Variants in MACROD2 observed in about 807,000 individuals in gnomAD.
MACROD2 encodes ADP-ribose glycohydrolase MACROD2.
MACROD2 carries 36 observed loss-of-function variants against 70.4 expected under a neutral mutation model. The ratio of observed to expected loss-of-function variants is 0.51; its 90% CI spans 0.39 to 0.68. The LOEUF is 0.68. MACROD2 is among the 30% of genes least tolerant of loss of function. The probability of loss-of-function intolerance (pLI) is 0.00; values close to 1 mark genes in which losing one functional copy is unlikely to be tolerated. For missense variants in MACROD2, 496 were observed against 538.4 expected, an observed-to-expected ratio of 0.92 and a Z score of 0.78; for synonymous variants, 172 against 178.8, an observed-to-expected ratio of 0.96 and a Z score of 0.30.
chr20:14,580,875 A>AT lies in MACROD2; in HGVS notation c.301+87369dup, dbSNP rs542610596. 2.4e-3 allele frequency among the ~76,000 whole-genome samples: 367 copies of AT among 152,316 alleles called. 4 individuals are homozygous for AT. The highest frequency in any genetic ancestry group is 8.4e-3 in the African/African-American group (351 of 41,584). On this transcript the variant is annotated intron_variant, in intron 4 of 17. Coordinates refer to ENST00000684519, the MANE Select transcript of MACROD2 (RefSeq NM_001351661.2). Reference sequence around the variant, plus strand: ...TTTGGGGGCAAACATCCAGTAGCAGATTGCTTCATTTATTACCAATGAATT... The same window carrying AT: ...TTTGGGGGCAAACATCCAGTAGCAGATTTGCTTCATTTATTACCAATGAATT...
At chr20:15,905,725 G>T (rs567292468) in intron 10 of MACROD2, among the ~76,000 whole-genome samples, 4 of 152,296 alleles carry the variant, frequency 2.6e-5, no homozygotes, top group African/African-American at 9.6e-5. Flanking sequence ...CAAAATTTCA[G>T]TTTTCTAATG....
At chr20:14,889,330 G>A (rs1028521704) in intron 5 of MACROD2, among the ~76,000 whole-genome samples, 1 of 152,154 alleles carries the variant, frequency 6.6e-6, no homozygotes, top group Non-Finnish European at 1.5e-5. Context: ...GGTAGGGGCA[G>A]GTGATGCATG....
intron 3 of MACROD2, among the ~76,000 whole-genome samples, chr20:14,471,535 T>A (rs2084531001): frequency 6.6e-6 from 1 of 152,206 alleles, no homozygotes; most frequent in Non-Finnish European, 1.5e-5. Context: ...GAATGATGTC[T>A]CTAAGTAGTA....
At chr20:15,078,708 C>CTTTT (rs11407171) in intron 5 of MACROD2, among the ~76,000 whole-genome samples, 1 of 145,928 alleles carries the variant, frequency 6.9e-6, no homozygotes, top group Non-Finnish European at 1.5e-5. Flanking sequence ...CCTTCACTTT[C>CTTTT]TTTTTTTTTT....
intron 6 of MACROD2, among the ~76,000 whole-genome samples, chr20:15,313,376 G>A (rs6135381): frequency 0.18 from 26,612 of 151,638 alleles, 2,657 homozygotes; most frequent in Non-Finnish European, 0.23. Flanking sequence ...GCATGGTGGC[G>A]GGCGCCTGTA....
chr20:15,734,229 A>G (rs1415288190), intron 8 of MACROD2, among the ~76,000 whole-genome samples: 1 of 152,194 alleles, frequency 6.6e-6, no homozygotes, highest in Non-Finnish European at 1.5e-5. Flanking sequence ...AAGAGGGTGC[A>G]TTTGAAGCAT....
chr20:14,526,091 C>T (rs1192785448), intron 4 of MACROD2, among the ~76,000 whole-genome samples: 1 of 152,146 alleles, frequency 6.6e-6, no homozygotes, highest in Non-Finnish European at 1.5e-5. Flanking sequence ...GCCCAGAGTA[C>T]AATGAACTTA....
chr20:14,466,084 T>G (rs965967194), intron 3 of MACROD2, among the ~76,000 whole-genome samples: 1 of 152,132 alleles, frequency 6.6e-6, no homozygotes, highest in Non-Finnish European at 1.5e-5. Context: ...TTGGCCTGCC[T>G]TGCTAGATTG....
intron 5 of MACROD2, among the ~76,000 whole-genome samples, chr20:15,069,740 G>A (rs2075604713): frequency 6.6e-6 from 1 of 152,224 alleles, no homozygotes; most frequent in South Asian, 2.1e-4. Flanking sequence ...AGTGAAGGAG[G>A]CTTGGTAGCT....
Position 15,125,989 on chromosome 20 carries a change from A to G in MACROD2, c.419-103951A>G, listed in dbSNP as rs185148994. ...AACTTAATGTTTTCAAGATTCATCTATGTTGTAGCATGTATCAGTACTTCA... is the reference window on the plus strand; with the variant it reads ...AACTTAATGTTTTCAAGATTCATCTGTGTTGTAGCATGTATCAGTACTTCA... On this transcript the variant is annotated intron_variant, in intron 5 of 17. Coordinates refer to ENST00000684519, the MANE Select transcript of MACROD2 (RefSeq NM_001351661.2). 2.6e-3 allele frequency among the ~76,000 whole-genome samples: 307 copies of G among 119,844 alleles called. 5 individuals are homozygous for G. The highest frequency in any genetic ancestry group is 8.8e-3 in the Middle Eastern group (2 of 228). The allele number at this position is 119,844 out of a possible 152,430, so 78.6% of individuals were successfully genotyped here.
intron 6 of MACROD2, among the ~76,000 whole-genome samples, chr20:15,297,775 C>T (rs1348031912): frequency 6.6e-6 from 1 of 152,184 alleles, no homozygotes; most frequent in African/African-American, 2.4e-5. Context: ...AGAATAGTAA[C>T]TCTCCATTGA....
chr20:14,330,588 G>A (rs963460324), intron 3 of MACROD2, among the ~76,000 whole-genome samples: 3 of 152,004 alleles, frequency 2.0e-5, no homozygotes, highest in Admixed American at 6.6e-5. Context: ...ATGGTCATAG[G>A]CTATATTAAC....
intron 3 of MACROD2, among the ~76,000 whole-genome samples, chr20:14,478,636 G>A (rs1003528403): frequency 2.6e-4 from 40 of 151,778 alleles, no homozygotes; most frequent in African/African-American, 8.7e-4. Flanking sequence ...ACTCCTTCAG[G>A]GCCTACTCTC....
At chr20:15,002,397 G>A (rs1417201752) in intron 5 of MACROD2, among the ~76,000 whole-genome samples, 2 of 151,430 alleles carry the variant, frequency 1.3e-5, no homozygotes, top group Non-Finnish European at 2.9e-5. Flanking sequence ...TATCTTTTTT[G>A]GCCATTTGTA....
chr20:14,362,921 C>T, intron 3 of MACROD2, among the ~76,000 whole-genome samples: 1 of 152,230 alleles, frequency 6.6e-6, no homozygotes, highest in East Asian at 1.9e-4. Context: ...CATATAAGTA[C>T]ATATAATTTA....
chr20:15,837,790 G>A (rs1019607760), intron 8 of MACROD2, among the ~76,000 whole-genome samples: 2 of 152,144 alleles, frequency 1.3e-5, no homozygotes, highest in Non-Finnish European at 2.9e-5. Flanking sequence ...GATGATGTAC[G>A]AAAGAAGCTG....
chr20:15,219,538 A>C (rs2076840061), intron 5 of MACROD2, among the ~76,000 whole-genome samples: 1 of 152,214 alleles, frequency 6.6e-6, no homozygotes, highest in African/African-American at 2.4e-5. Context: ...AGAAATTTTC[A>C]CATATTCTTT....
At chr20:14,213,862 A>G (rs1313303480) in intron 3 of MACROD2, among the ~76,000 whole-genome samples, 3 of 152,102 alleles carry the variant, frequency 2.0e-5, no homozygotes, top group Non-Finnish European at 1.5e-5. Flanking sequence ...TCAAATTAAT[A>G]TTCCATCTGA....
At chr20:15,774,624 C>A (rs533197484) in intron 8 of MACROD2, among the ~76,000 whole-genome samples, 1 of 151,960 alleles carries the variant, frequency 6.6e-6, no homozygotes, top group Non-Finnish European at 1.5e-5. Flanking sequence ...GAGAGTGAAC[C>A]GAAACTCTGA....
Sources: allele counts gnomAD v4.1 joint callset (sites outside exome capture counted in the v4.1 genomes callset), GRCh38; gene constraint gnomAD v4.1.1; transcripts MANE v1.5; gene names NCBI Gene and HGNC (gene_info 2026-07-23, HGNC 2026-07-21).